ALK: variants seen among roughly 807,000 people sequenced by gnomAD.
ALK encodes ALK receptor tyrosine kinase.
ALK carries 74 observed loss-of-function variants against 163.1 expected under a neutral mutation model. The ratio of observed to expected loss-of-function variants is 0.45; its 90% CI spans 0.38 to 0.55. The LOEUF is 0.55. ALK is among the 20% of genes least tolerant of loss of function. ALK has a pLI of 0.00. For missense variants in ALK, 2,063 were observed against 2,105.3 expected, an observed-to-expected ratio of 0.98 and a Z score of 0.39; for synonymous variants, 960 against 843.2, an observed-to-expected ratio of 1.14 and a Z score of -2.40.
At chr2:29,391,818 C>T (rs1030849699) in intron 4 of ALK, among the ~76,000 whole-genome samples, 3 of 152,034 alleles carry the variant, frequency 2.0e-5, no homozygotes, top group Non-Finnish European at 2.9e-5. Context: ...ACTTGAGTTC[C>T]ACACCTACTG....
chr2:29,788,254 A>C (rs1348136755), intron 1 of ALK, among the ~76,000 whole-genome samples: 1 of 152,196 alleles, frequency 6.6e-6, no homozygotes, highest in Non-Finnish European at 1.5e-5. Flanking sequence ...CCACATAGCC[A>C]CAGCACCTGT....
At chr2:29,509,614 T>A (rs1672454522) in intron 4 of ALK, among the ~76,000 whole-genome samples, 1 of 152,176 alleles carries the variant, frequency 6.6e-6, no homozygotes. Flanking sequence ...AACTGCTTCA[T>A]CAAAGAACCA....
intron 1 of ALK, among the ~76,000 whole-genome samples, chr2:29,904,468 G>A (rs1168850157): frequency 1.3e-5 from 2 of 151,868 alleles, no homozygotes; most frequent in Non-Finnish European, 2.9e-5. Context: ...GAGATAGAAA[G>A]GAAGCCACAA....
At chr2:29,239,630 C>A in intron 13 of ALK, 50 bp downstream of exon 13, 1 of 1,609,994 alleles carries the variant, frequency 6.2e-7, no homozygotes, top group Non-Finnish European at 8.5e-7. Context: ...AAGAGGCCTT[C>A]CCGGGGCCTG....
intron 4 of ALK, among the ~76,000 whole-genome samples, chr2:29,453,353 T>C (rs1358136353): frequency 6.6e-6 from 1 of 152,064 alleles, no homozygotes; most frequent in Non-Finnish European, 1.5e-5. Flanking sequence ...CACCTCACCT[T>C]TTGAGTAGCT....
chr2:29,858,776 T>G (rs1389486909), intron 1 of ALK, among the ~76,000 whole-genome samples: 1 of 150,794 alleles, frequency 6.6e-6, no homozygotes, highest in African/African-American at 2.4e-5. Context: ...CTGTGGTTCA[T>G]GCCTGTAATC....
At chr2:29,816,222 AAGCAGG>A (rs1191534386) in intron 1 of ALK, among the ~76,000 whole-genome samples, 20 of 152,214 alleles carry the variant, frequency 1.3e-4, no homozygotes, top group African/African-American at 4.8e-4. Flanking sequence ...TCATTCAGGC[AAGCAGG>A]AATAACAGGG....
intron 26 of ALK, among the ~76,000 whole-genome samples, chr2:29,205,445 T>C (rs1055665571): frequency 1.3e-5 from 2 of 151,650 alleles, no homozygotes; most frequent in African/African-American, 2.4e-5. Flanking sequence ...AACAACCACA[T>C]GCTTGGTGGC....
chr2:29,508,733 CAAAAAAAAAAA>C (rs60719550), intron 4 of ALK, among the ~76,000 whole-genome samples: 3 of 65,496 alleles, frequency 4.6e-5, no homozygotes, highest in South Asian at 1.5e-3. Context: ...ATCTGCAACT[CAAAAAAAAAAA>C]AAAAAAAAAA....
intron 1 of ALK, among the ~76,000 whole-genome samples, chr2:29,784,310 C>T (rs1238969232): frequency 2.6e-5 from 4 of 152,196 alleles, no homozygotes; most frequent in Non-Finnish European, 5.9e-5. Context: ...TATCATGCTG[C>T]ATATACATTT....
intron 1 of ALK, among the ~76,000 whole-genome samples, chr2:29,787,224 C>T (rs1377714474): frequency 6.6e-6 from 1 of 152,182 alleles, no homozygotes; most frequent in African/African-American, 2.4e-5. Flanking sequence ...AGGCAAGGCA[C>T]ATTAGCACTG....
chr2:29,659,441 TTTA>T (rs1195180825), intron 3 of ALK, among the ~76,000 whole-genome samples: 1 of 152,064 alleles, frequency 6.6e-6, no homozygotes. Context: ...TGGTGAGCTA[TTTA>T]TTGTGACAGC....
At chr2:29,742,043 A>G (rs575894985) in intron 1 of ALK, among the ~76,000 whole-genome samples, 5 of 152,328 alleles carry the variant, frequency 3.3e-5, no homozygotes, top group Admixed American at 3.3e-4. Context: ...TAACAACTTT[A>G]CTGCTCACAG....
At chr2:29,814,478 G>A (rs560095570) in intron 1 of ALK, among the ~76,000 whole-genome samples, 4 of 151,982 alleles carry the variant, frequency 2.6e-5, no homozygotes, top group Non-Finnish European at 5.9e-5. Context: ...GGCTAACACA[G>A]TGAAACCCTG....
chr2:29,291,955 GA>G (rs1291625162), intron 9 of ALK, among the ~76,000 whole-genome samples: 1 of 151,976 alleles, frequency 6.6e-6, no homozygotes, highest in African/African-American at 2.4e-5. Context: ...AAATTGAATA[GA>G]AAAAAAATCT....
chr2:29,695,833 T>C (rs1483287911), intron 2 of ALK, among the ~76,000 whole-genome samples: 1 of 152,184 alleles, frequency 6.6e-6, no homozygotes, highest in African/African-American at 2.4e-5. Flanking sequence ...TCACACCAGT[T>C]AGAATGGCGA....
intron 1 of ALK, among the ~76,000 whole-genome samples, chr2:29,769,185 G>T (rs1244240675): frequency 6.6e-6 from 1 of 152,110 alleles, no homozygotes. Flanking sequence ...ACATTGAGCT[G>T]GTATTACTTT....
At chr2:29,521,880 G>A (rs1672822677) in intron 4 of ALK, among the ~76,000 whole-genome samples, 2 of 152,204 alleles carry the variant, frequency 1.3e-5, no homozygotes, top group African/African-American at 4.8e-5. Context: ...GGAGAGCGGA[G>A]GCCAGCCTTT....
At chr2:29,579,247 G>A (rs1355323898) in intron 3 of ALK, among the ~76,000 whole-genome samples, 1 of 152,186 alleles carries the variant, frequency 6.6e-6, no homozygotes, top group Non-Finnish European at 1.5e-5. Flanking sequence ...CCTCACCTAT[G>A]GATGGTTTAT....
Sources: gnomAD v4.1 joint callset for allele counts (sites outside exome capture counted in the v4.1 genomes callset) on GRCh38, gnomAD v4.1.1 for gene constraint, MANE v1.5 for transcripts, NCBI Gene and HGNC (gene_info 2026-07-23, HGNC 2026-07-21) for gene names.